Variants in PHACTR2 observed in about 807,000 individuals in gnomAD.
The protein encoded by PHACTR2 is chromosome 6 open reading frame 56.
A neutral mutation model predicts 76.0 loss-of-function variants in PHACTR2; 30 were observed. The observed-to-expected ratio is 0.39, with a 90% CI of 0.30 to 0.54. The LOEUF (loss-of-function observed/expected upper bound fraction) is 0.54, where lower values mean the gene tolerates loss of function less well. Among genes scored for constraint, PHACTR2 ranks in the 20% least tolerant of loss-of-function variants. PHACTR2 has a pLI of 0.61. For synonymous variants in PHACTR2, 292 were observed against 292.5 expected, an observed-to-expected ratio of 1.00 and a Z score of 0.02; for missense variants, 696 against 781.1, an observed-to-expected ratio of 0.89 and a Z score of 1.30.
At chr6:143,725,704 G>A (rs1035106025) in intron 2 of PHACTR2, among the ~76,000 whole-genome samples, 1 of 151,786 alleles carries the variant, frequency 6.6e-6, no homozygotes, top group Non-Finnish European at 1.5e-5. Context: ...GGCATCGCCT[G>A]TAATCCCAGC....
rs1779274548 is a variant in PHACTR2, at chr6:143,755,324, A to G, written c.454+1412A>G. ...CGCCAGACTGTTGAATTTCAAATCC[A>G]TCTGTGGTTTGTCCCTGGCAGCCTT... On this transcript the variant is annotated intron_variant, in intron 4 of 12. Coordinates refer to ENST00000440869, the MANE Select transcript of PHACTR2 (RefSeq NM_001100164.2). This position sits in a 1 kb window ranked among gnomAD's most constrained non-coding sequence, Gnocchi z 5.2. 1 of 455,992 alleles carries G rather than the reference A, an allele frequency of 2.2e-6. No homozygotes were observed. Among genetic ancestry groups the G allele is most frequent in the South Asian group, 1.5e-5 (1 of 64,564 alleles). The allele number at this position is 455,992 out of a possible 1,614,324, so 28.2% of individuals were successfully genotyped here.
rs1483032064 is a variant in PHACTR2, at chr6:143,652,730, A to G, written c.13+44408A>G. On this transcript the variant is annotated intron_variant, in intron 1 of 11. Transcript: ENST00000305766. The surrounding 1 kb of genome is among the most constrained non-coding windows in gnomAD (Gnocchi z 4.5). ...TTTCACCAGAAACAGTGACATTCAC[A>G]CCCAGGGGCTGAAATAAGGCGGAAT... is the stretch of plus-strand genomic sequence containing the variant. 6.6e-6 allele frequency among the ~76,000 whole-genome samples: 1 copy of G among 152,208 alleles called. No individual in the cohort carries two copies. The highest frequency in any genetic ancestry group is 1.5e-5 in the Non-Finnish European group (1 of 68,038).
Position 143,738,243 on chromosome 6 carries a change from C to G in PHACTR2, c.215-10742C>G, listed in dbSNP as rs1403436157. 6.6e-6 allele frequency among the ~76,000 whole-genome samples: 1 copy of G among 152,064 alleles called. No individual in the cohort carries two copies. Among genetic ancestry groups the G allele is most frequent in the Non-Finnish European group, 1.5e-5 (1 of 68,026 alleles). On this transcript the variant is annotated intron_variant, in intron 2 of 12. Transcript: ENST00000440869. The surrounding 1 kb of genome is among the most constrained non-coding windows in gnomAD (Gnocchi z 4.0). ...GGGGGCGCCTGTAATCCCAGCTACT[C>G]AGGAGGCTGAGGCAGGAGAATCGCT...
Position 143,618,256 on chromosome 6 carries a change from A to AACACAC in PHACTR2, c.13+9959_13+9964dup, listed in dbSNP as rs66800720. Among the ~76,000 whole-genome samples, 2,616 of 145,280 alleles carry AACACAC rather than the reference A, an allele frequency of 0.018. 59 individuals carry two copies. The highest frequency in any genetic ancestry group is 0.053 in the African/African-American group (2,079 of 38,888). On this transcript the variant is annotated intron_variant, in intron 1 of 11. Transcript: ENST00000305766. This position sits in a 1 kb window ranked among gnomAD's most constrained non-coding sequence, Gnocchi z 5.2. Reference sequence around the variant, plus strand: ...GTTCCACCTTGTACTTCCTGCTCCAAACACACACACACACACACACACACA... The same window carrying AACACAC: ...GTTCCACCTTGTACTTCCTGCTCCAAACACACACACACACACACACACACACACACA...
At chr6:143,575,148 C>T (rs933781939) in intron 1 of PHACTR2, among the ~76,000 whole-genome samples, 7 of 152,242 alleles carry the variant, frequency 4.6e-5, no homozygotes, top group African/African-American at 1.4e-4. Context: ...CATATATTTT[C>T]ATGTTTTTAA....
Position 143,738,329 on chromosome 6 carries a change from G to A in PHACTR2, c.215-10656G>A, listed in dbSNP as rs192944135. ...TGTGACACTGCACTCCAGCCTGGGCGACAGAGGGAGACTCCATCTCAAAAC... is the reference window on the plus strand; with the variant it reads ...TGTGACACTGCACTCCAGCCTGGGCAACAGAGGGAGACTCCATCTCAAAAC... On this transcript the variant is annotated intron_variant, in intron 2 of 12. Coordinates refer to ENST00000440869, the MANE Select transcript of PHACTR2 (RefSeq NM_001100164.2). This position sits in a 1 kb window ranked among gnomAD's most constrained non-coding sequence, Gnocchi z 4.0. Among the ~76,000 whole-genome samples the A allele has an allele frequency of 4.0e-4, 61 of 152,034 alleles. No homozygotes were observed. In the East Asian group the frequency reaches 0.01, roughly 26 times the overall value.
intron 1 of PHACTR2, among the ~76,000 whole-genome samples, chr6:143,584,551 T>C (rs1285968774): frequency 6.6e-6 from 1 of 152,208 alleles, no homozygotes; most frequent in Non-Finnish European, 1.5e-5. Flanking sequence ...TAAGGTACAT[T>C]GTCATTCAGC....
intron 1 of PHACTR2, among the ~76,000 whole-genome samples, chr6:143,665,819 G>A (rs180858597): frequency 5.3e-4 from 81 of 152,262 alleles, no homozygotes; most frequent in Non-Finnish European, 8.1e-4. Context: ...TACTTTGTTC[G>A]AAACTGTCAT....
At chr6:143,741,331 A>C (rs1403888009) in intron 2 of PHACTR2, among the ~76,000 whole-genome samples, 5 of 151,874 alleles carry the variant, frequency 3.3e-5, no homozygotes, top group Non-Finnish European at 5.9e-5. Context: ...CATCTCTACT[A>C]AAAATATAAA....
At chr6:143,728,523 G>A (rs1304031183) in intron 2 of PHACTR2, among the ~76,000 whole-genome samples, 1 of 152,000 alleles carries the variant, frequency 6.6e-6, no homozygotes, top group African/African-American at 2.4e-5. Context: ...AGCCCAAACA[G>A]CCAAAGCAAT....
Position 143,827,031 on chromosome 6 carries a change from C to G in PHACTR2, c.*3342C>G, listed in dbSNP as rs939215140. The stretch of plus-strand genomic sequence containing the variant: ...ATATATTTAAGGAAATAAAGGAATT[C>G]AATACACCCTTCAAAAGTCACCAAA... On this transcript the variant is annotated 3_prime_UTR_variant, in exon 13 of 13. Transcript: ENST00000440869. 1 of 150,522 alleles carries G rather than the reference C, an allele frequency of 6.6e-6. No individual in the cohort carries two copies. Among genetic ancestry groups the G allele is most frequent in the East Asian group, 1.9e-4 (1 of 5,138 alleles). 9.3% of individuals were successfully genotyped at this position (150,522 alleles called of 1,614,324 possible).
rs1328901497 is a variant in PHACTR2 at position 143,765,842 on chromosome 6, A to T, written c.1232+44A>T. The T allele has an allele frequency of 6.8e-7, 1 of 1,481,284 alleles. No homozygotes were observed. The allele number at this position is 1,481,284 out of a possible 1,614,324, so 91.8% of individuals were successfully genotyped here. A position where few individuals can be genotyped will look rare whatever the true frequency, so the allele number is the denominator to read the frequency against. ...CCCCTATTTTATCTGAGAACTAAAG[A>T]TCACTAATATATTCTGTTGGAAATG... On this transcript the variant is annotated intron_variant, in intron 6 of 12. Transcript: ENST00000440869. The surrounding 1 kb of genome is among the most constrained non-coding windows in gnomAD (Gnocchi z 4.1).
rs1183627923 is a variant in PHACTR2, at chr6:143,616,635, C to T, written c.13+8313C>T. On this transcript the variant is annotated intron_variant, in intron 1 of 11. Transcript: ENST00000305766. This position sits in a 1 kb window ranked among gnomAD's most constrained non-coding sequence, Gnocchi z 4.9. The stretch of plus-strand genomic sequence containing the variant: ...GATATGAGAGAATGAAACGGAGCTT[C>T]TGTCAGCATGCTCCTTCCTTCTAGT... 6.6e-6 allele frequency among the ~76,000 whole-genome samples: 1 copy of T among 152,194 alleles called. No individual in the cohort carries two copies. Among genetic ancestry groups the T allele is most frequent in the African/African-American group, 2.4e-5 (1 of 41,434 alleles).
chr6:143,766,696 A>C (rs1352905480), intron 6 of PHACTR2, among the ~76,000 whole-genome samples: 1 of 152,210 alleles, frequency 6.6e-6, no homozygotes, highest in Non-Finnish European at 1.5e-5. Flanking sequence ...TAGTTGCTTT[A>C]CCACCACCCA....
At chr6:143,721,521 A>G (rs1473851421) in intron 2 of PHACTR2, among the ~76,000 whole-genome samples, 1 of 152,184 alleles carries the variant, frequency 6.6e-6, no homozygotes, top group Admixed American at 6.5e-5. Flanking sequence ...AGCCCTGATA[A>G]CATGCAGTCA....
intron 2 of PHACTR2, among the ~76,000 whole-genome samples, chr6:143,740,009 G>T (rs1404635417): frequency 6.6e-6 from 1 of 152,194 alleles, no homozygotes; most frequent in Non-Finnish European, 1.5e-5. Context: ...TGAAGTGAAA[G>T]CAAGTTTATT....
chr6:143,677,971 T>C lies in PHACTR2; in HGVS notation c.-193T>C. On this transcript the variant is annotated 5_prime_UTR_variant, in exon 1 of 13. Coordinates refer to ENST00000440869, the MANE Select transcript of PHACTR2 (RefSeq NM_001100164.2). ...GCATAGAGGAATGACAGGCATCCGC[T>C]GGGCAGGATCCGCCGCGCCGGCTGC... 7.5e-7 allele frequency: 1 copy of C among 1,340,756 alleles called. No homozygotes were observed. Among genetic ancestry groups the C allele is most frequent in the Non-Finnish European group, 9.7e-7 (1 of 1,034,468 alleles). 83.1% of individuals were successfully genotyped at this position (1,340,756 alleles called of 1,614,324 possible).
chr6:143,587,735 C>T (rs188872838), intron 1 of PHACTR2, among the ~76,000 whole-genome samples: 650 of 152,174 alleles, frequency 4.3e-3, no homozygotes, highest in African/African-American at 0.015. Flanking sequence ...AAATATTGGC[C>T]GGGCGCAGTG....
chr6:143,738,266 G>A lies in PHACTR2; in HGVS notation c.215-10719G>A, dbSNP rs569921405. ...CTCAGGAGGCTGAGGCAGGAGAATC[G>A]CTTGACCCGGGAGGCAGAGGTTGCA... On this transcript the variant is annotated intron_variant, in intron 2 of 12. Coordinates refer to ENST00000440869, the MANE Select transcript of PHACTR2 (RefSeq NM_001100164.2). The surrounding 1 kb of genome is among the most constrained non-coding windows in gnomAD (Gnocchi z 4.0). 3.9e-5 allele frequency among the ~76,000 whole-genome samples: 6 copies of A among 152,198 alleles called. No homozygotes were observed. Among genetic ancestry groups the A allele is most frequent in the African/African-American group, 1.2e-4 (5 of 41,520 alleles).
Sources: allele counts gnomAD v4.1 joint callset (sites outside exome capture counted in the v4.1 genomes callset), GRCh38; gene constraint gnomAD v4.1.1; non-coding constraint Gnocchi (gnomAD v3.1); transcripts MANE v1.5; gene names NCBI Gene and HGNC (gene_info 2026-07-23, HGNC 2026-07-21).